Variants in TANC2 observed in about 807,000 individuals in gnomAD.
TANC2 encodes the protein protein TANC2.
TANC2 carries 26 observed loss-of-function variants against 210.5 expected under a neutral mutation model. The ratio of observed to expected loss-of-function variants is 0.12; its 90% CI spans 0.09 to 0.17. The LOEUF (loss-of-function observed/expected upper bound fraction) is 0.17, where lower values mean the gene tolerates loss of function less well. Ranked by LOEUF, TANC2 falls within the 10% of genes least tolerant of loss-of-function variation. The pLI, the probability that TANC2 is intolerant of heterozygous loss-of-function variation, is 1.00. For synonymous variants in TANC2, 931 were observed against 967.1 expected (o/e 0.96, Z 0.69); for missense variants, 2,129 against 2,608.9 (o/e 0.82, Z 4.01).
At chr17:63,171,031 A>C (rs1250349775) in intron 5 of TANC2, among the ~76,000 whole-genome samples, 1 of 150,272 alleles carries the variant, frequency 6.7e-6, no homozygotes, top group Admixed American at 6.6e-5. Flanking sequence ...TAGAGAATAT[A>C]GTCTACTTCA....
intron 1 of TANC2, among the ~76,000 whole-genome samples, chr17:62,988,180 T>C (rs1300733353): frequency 4.6e-5 from 7 of 152,128 alleles, no homozygotes; most frequent in Non-Finnish European, 2.9e-5. Flanking sequence ...CAGGCTGGAG[T>C]GCAGTGGTGC....
chr17:63,245,739 G>A (rs1186509926), intron 8 of TANC2, among the ~76,000 whole-genome samples: 1 of 152,014 alleles, frequency 6.6e-6, no homozygotes, highest in Non-Finnish European at 1.5e-5. Context: ...CTACTCGGGA[G>A]GCTGAGGCAC....
intron 5 of TANC2, among the ~76,000 whole-genome samples, chr17:63,185,801 T>C (rs1318706283): frequency 6.6e-6 from 1 of 152,248 alleles, no homozygotes; most frequent in African/African-American, 2.4e-5. Context: ...TATTCTCTTT[T>C]GTAAATCCTG....
At chr17:63,258,463 A>G (rs1211930917) in intron 8 of TANC2, among the ~76,000 whole-genome samples, 1 of 152,162 alleles carries the variant, frequency 6.6e-6, no homozygotes, top group African/African-American at 2.4e-5. Context: ...CCCAAGGCAG[A>G]TCCAGAAATG....
intron 12 of TANC2, among the ~76,000 whole-genome samples, chr17:63,344,877 C>T (rs1197173384): frequency 6.6e-6 from 1 of 152,158 alleles, no homozygotes; most frequent in African/African-American, 2.4e-5. Context: ...CATAAATAGC[C>T]ATGCAGCTTC....
chr17:63,373,870 A>G (rs1228002583), intron 14 of TANC2, among the ~76,000 whole-genome samples: 1 of 152,068 alleles, frequency 6.6e-6, no homozygotes, highest in Non-Finnish European at 1.5e-5. Context: ...AATCCCAGCT[A>G]CTTGGGAGGC....
rs2048939780 is a variant in TANC2, at chr17:63,418,726, G to A, written c.4268+319G>A. Among the ~76,000 whole-genome samples, 1 of 152,200 alleles carries A rather than the reference G, an allele frequency of 6.6e-6. No individual in the cohort carries two copies. The highest frequency in any genetic ancestry group is 6.5e-5 in the Admixed American group (1 of 15,284). On this transcript the variant is annotated intron_variant, in intron 27 of 27. Coordinates refer to ENST00000689528, the Ensembl canonical transcript of TANC2. This position sits in a 1 kb window ranked among gnomAD's most constrained non-coding sequence, Gnocchi z 4.6. ...GAGCAGCTAGCACAAAGAGACAACGGCGACTTAAAGAAATCACTTAAGCAG... is the reference window on the plus strand; with the variant it reads ...GAGCAGCTAGCACAAAGAGACAACGACGACTTAAAGAAATCACTTAAGCAG...
intron 2 of TANC2, among the ~76,000 whole-genome samples, chr17:63,028,317 G>C (rs1450299078): frequency 6.6e-6 from 1 of 152,110 alleles, no homozygotes; most frequent in Non-Finnish European, 1.5e-5. Context: ...TCTACTCTCA[G>C]GGTCTCCAGC....
chr17:63,021,291 C>A (rs1598268488), intron 2 of TANC2, among the ~76,000 whole-genome samples: 1 of 152,112 alleles, frequency 6.6e-6, no homozygotes, highest in Non-Finnish European at 1.5e-5. Flanking sequence ...ATGATGTGTT[C>A]CCACCAGAAG....
intron 26 of TANC2, among the ~76,000 whole-genome samples, chr17:63,416,056 T>C (rs1568001758): frequency 6.6e-6 from 1 of 152,186 alleles, no homozygotes; most frequent in African/African-American, 2.4e-5. Context: ...TCAGGTATAT[T>C]CCCTTATCAT....
Position 63,081,542 on chromosome 17 carries a change from A to G in TANC2, c.139+7528A>G, listed in dbSNP as rs563432556. Among the ~76,000 whole-genome samples, 6 of 152,260 alleles carry G rather than the reference A, an allele frequency of 3.9e-5. No homozygotes were observed. The South Asian group carries it at 6.2e-4, about 16-fold the overall frequency. On this transcript the variant is annotated intron_variant, in intron 3 of 27. Transcript: ENST00000689528. ...GTTTTAGTTCTCCCCTTCTCTCTCA[A>G]TTAACAGTATAGCATGGCCATCCCT...
chr17:63,313,876 A>G (rs1439076983), intron 9 of TANC2, among the ~76,000 whole-genome samples: 1 of 152,238 alleles, frequency 6.6e-6, no homozygotes, highest in Non-Finnish European at 1.5e-5. Flanking sequence ...TGGTATAGCC[A>G]TATTGGTTGT....
At chr17:63,419,646 G>T (rs1177532026) in intron 27 of TANC2, among the ~76,000 whole-genome samples, 1 of 152,124 alleles carries the variant, frequency 6.6e-6, no homozygotes, top group East Asian at 1.9e-4. Context: ...TAAGCTACTT[G>T]ACAGTGACCC....
At chr17:62,978,982 C>T (rs2032165288) in intron 1 of TANC2, 1 of 152,140 alleles carries the variant, frequency 6.6e-6, no homozygotes, top group Admixed American at 6.5e-5. Flanking sequence ...ATTTCCTAAT[C>T]CTTACTTGAA....
At chr17:63,356,393 G>C (rs2046782913) in intron 14 of TANC2, among the ~76,000 whole-genome samples, 1 of 152,086 alleles carries the variant, frequency 6.6e-6, no homozygotes, top group Non-Finnish European at 1.5e-5. Flanking sequence ...GCTTATTTTG[G>C]CTCAAAAAGA....
At chr17:63,247,867 T>C (rs115035104) in intron 8 of TANC2, among the ~76,000 whole-genome samples, 1 of 152,106 alleles carries the variant, frequency 6.6e-6, no homozygotes, top group African/African-American at 2.4e-5. Flanking sequence ...GCAAGTCATA[T>C]GTCAGGGAAT....
intron 2 of TANC2, among the ~76,000 whole-genome samples, chr17:63,037,066 A>T (rs1247558555): frequency 1.3e-5 from 2 of 152,170 alleles, no homozygotes; most frequent in Non-Finnish European, 2.9e-5. Context: ...AAATAGAACA[A>T]TTATTATAAC....
intron 2 of TANC2, among the ~76,000 whole-genome samples, chr17:63,042,223 G>C (rs1052031336): frequency 6.6e-6 from 1 of 151,968 alleles, no homozygotes; most frequent in Admixed American, 6.6e-5. Flanking sequence ...ATAGGATCTG[G>C]GGGAGGGAAA....
intron 12 of TANC2, among the ~76,000 whole-genome samples, chr17:63,343,853 G>GCAGAGTAC (rs1201115478): frequency 2.0e-5 from 3 of 152,198 alleles, no homozygotes; most frequent in Non-Finnish European, 4.4e-5. Flanking sequence ...CCAAGATCAT[G>GCAGAGTAC]CCACTGCACT....
Sources: gnomAD v4.1 joint callset for allele counts (sites outside exome capture counted in the v4.1 genomes callset) on GRCh38, gnomAD v4.1.1 for gene constraint, Gnocchi (gnomAD v3.1) non-coding constraint, MANE v1.5 for transcripts, NCBI Gene and HGNC (gene_info 2026-07-23, HGNC 2026-07-21) for gene names.